Variants in LMF1 observed in about 807,000 individuals in gnomAD.
LMF1 encodes transmembrane protein 112.
LMF1 carries 68 observed loss-of-function variants against 60.6 expected under a neutral mutation model. That is an observed-to-expected ratio of 1.12 (90% CI 0.92 to 1.37). The LOEUF (loss-of-function observed/expected upper bound fraction) is 1.37. Among genes scored for constraint, LMF1 ranks in the 40% most tolerant of loss-of-function variants. The pLI is 0.00. For synonymous variants in LMF1, 418 were observed against 324.7 expected (o/e 1.29, Z -3.09); for missense variants, 948 against 767.2 (o/e 1.24, Z -2.78).
intron 4 of LMF1, among the ~76,000 whole-genome samples, chr16:894,076 C>G (rs1316596653): frequency 7.3e-6 from 1 of 137,102 alleles, no homozygotes; most frequent in Non-Finnish European, 1.6e-5. Flanking sequence ...GCCCACCCGT[C>G]CCCCTGTCCA....
intron 5 of LMF1, among the ~76,000 whole-genome samples, chr16:882,502 T>C (rs1359315125): frequency 2.0e-5 from 3 of 152,236 alleles, no homozygotes; most frequent in Admixed American, 6.5e-5. Flanking sequence ...TAGGTTCCAG[T>C]ACAAGTGAAG....
intron 1 of LMF1, among the ~76,000 whole-genome samples, chr16:960,288 C>T (rs183669038): frequency 1.5e-4 from 21 of 144,088 alleles, no homozygotes; most frequent in Admixed American, 1.2e-3. Context: ...ATAACCCAGA[C>T]AAAGACTCAC....
chr16:953,362 C>T (rs1292681020), intron 2 of LMF1, among the ~76,000 whole-genome samples: 1 of 89,208 alleles, frequency 1.1e-5, no homozygotes, highest in African/African-American at 3.8e-5. Context: ...CACACAGACA[C>T]GGACCCCAAA....
chr16:955,545 T>TCCACACACACACATCTAAGTAAACTAG (rs2072678008), intron 1 of LMF1, among the ~76,000 whole-genome samples: 1 of 114,934 alleles, frequency 8.7e-6, no homozygotes, highest in South Asian at 3.0e-4. Context: ...AGTGTGTGCA[T>TCCACACACACACATCTAAGTAAACTAG]ACACGCACAC....
chr16:971,234 A>T (rs746174347), upstream of LMF1, among the ~76,000 whole-genome samples: 1 of 152,082 alleles, frequency 6.6e-6, no homozygotes, highest in Non-Finnish European at 1.5e-5. Flanking sequence ...GGGGCCGGGT[A>T]CCTGGGAGGT....
chr16:860,092 T>C (rs2069411691), intron 10 of LMF1, among the ~76,000 whole-genome samples: 1 of 152,174 alleles, frequency 6.6e-6, no homozygotes, highest in Admixed American at 6.5e-5. Flanking sequence ...TCTAATAAGA[T>C]TATTTTAGTA....
intron 5 of LMF1, among the ~76,000 whole-genome samples, chr16:887,775 G>A (rs1407150196): frequency 1.3e-5 from 2 of 152,208 alleles, no homozygotes; most frequent in Non-Finnish European, 1.5e-5. Context: ...CCCGGAGTCA[G>A]GGTGCAGACA....
Position 870,675 on chromosome 16 carries a change from G to C in LMF1, c.1232+54C>G, listed in dbSNP as rs13329717. On this transcript the variant is annotated intron_variant, in intron 8 of 10. Coordinates refer to ENST00000262301, the MANE Select transcript of LMF1 (RefSeq NM_022773.4). ...ACCCCACCTGAATGTGGCTGGTCAG[G>C]GCTGAGTCTCCCCATATACCCAGCT... 0.042 allele frequency: 66,743 copies of C among 1,596,540 alleles called. 2,362 individuals are homozygous for C. The highest frequency in any genetic ancestry group is 0.18 in the African/African-American group (13,658 of 74,698).
chr16:882,713 A>AG (rs2070194513), intron 5 of LMF1, among the ~76,000 whole-genome samples: 1 of 151,916 alleles, frequency 6.6e-6, no homozygotes, highest in South Asian at 2.1e-4. Context: ...CAGGACCAGG[A>AG]GAAAGAGGAG....
At chr16:892,345 T>C (rs1304991292) in intron 5 of LMF1, among the ~76,000 whole-genome samples, 1 of 152,148 alleles carries the variant, frequency 6.6e-6, no homozygotes, top group Non-Finnish European at 1.5e-5. Context: ...AGGGTGGGGA[T>C]GGTGCTACCA....
At chr16:912,935 G>C (rs898270753) in intron 3 of LMF1, among the ~76,000 whole-genome samples, 17 of 152,344 alleles carry the variant, frequency 1.1e-4, no homozygotes, top group Admixed American at 1.0e-3. Flanking sequence ...GTCAGGGCCA[G>C]GGCTCTCCAG....
chr16:891,766 G>A lies in LMF1; in HGVS notation c.729+1241C>T, dbSNP rs375015334. On this transcript the variant is annotated intron_variant, in intron 5 of 10. Transcript: ENST00000262301. ...TTCCTGACCTGGGCTGAGGGCGCTG[G>A]ACCTTATTGAGGGCAGGGTGGCTGG... Among the ~76,000 whole-genome samples the A allele has an allele frequency of 3.7e-4, 56 of 152,338 alleles. 1 individual carries two copies. The South Asian group carries it at 0.011, about 30-fold the overall frequency.
Position 870,566 on chromosome 16 carries a change from C to T in LMF1, c.1232+163G>A, listed in dbSNP as rs368688749. On this transcript the variant is annotated intron_variant, in intron 8 of 10. Transcript: ENST00000262301. ...ACGAGGAGGCCTGCGTGTCCAGGCC[C>T]GGTAGTGGGGACAGCACGGCCTGTG... Among the ~76,000 whole-genome samples the T allele has an allele frequency of 7.9e-4, 121 of 152,290 alleles. No individual in the cohort carries two copies. The South Asian group carries it at 0.022, about 28-fold the overall frequency.
chr16:962,675 G>A lies in LMF1; in HGVS notation c.194-8009C>T, dbSNP rs1387572482. Reference sequence around the variant, plus strand: ...TGACAGGCCTGCTTGACACTGTCAAGGTCGGAATCCTGCACAGGAAAGTCT... The same window carrying A: ...TGACAGGCCTGCTTGACACTGTCAAAGTCGGAATCCTGCACAGGAAAGTCT... On this transcript the variant is annotated intron_variant, in intron 1 of 10. Transcript: ENST00000262301. This position sits in a 1 kb window ranked among gnomAD's most constrained non-coding sequence, Gnocchi z 4.5. Among the ~76,000 whole-genome samples, 4 of 152,210 alleles carry A rather than the reference G, an allele frequency of 2.6e-5. No individual in the cohort carries two copies. The highest frequency in any genetic ancestry group is 9.6e-5 in the African/African-American group (4 of 41,460).
chr16:955,945 C>T (rs1384533727), intron 1 of LMF1, among the ~76,000 whole-genome samples: 1 of 150,900 alleles, frequency 6.6e-6, no homozygotes, highest in South Asian at 2.1e-4. Context: ...CGGCGCCCAC[C>T]CCACGACGGC....
chr16:859,936 G>C (rs1463851043), intron 10 of LMF1, among the ~76,000 whole-genome samples: 22 of 138,368 alleles, frequency 1.6e-4, no homozygotes, highest in African/African-American at 6.1e-4. Flanking sequence ...GGTGTGAGTG[G>C]TGTCACGGGA....
intron 2 of LMF1, among the ~76,000 whole-genome samples, chr16:949,672 T>A: frequency 3.9e-5 from 3 of 77,470 alleles, no homozygotes; most frequent in Non-Finnish European, 4.4e-5. Flanking sequence ...AACGACAGAG[T>A]CAGCCAATGA....
rs554432967 is a variant in LMF1 at position 874,754 on chromosome 16, C to T, written c.898-3413G>A. ...GAGGCGGCGCTCAGATGGGAACACA[C>T]GGAACCAGGACAGGCTCCAGGCAGG... On this transcript the variant is annotated intron_variant, in intron 6 of 10. Transcript: ENST00000262301. This position sits in a 1 kb window ranked among gnomAD's most constrained non-coding sequence, Gnocchi z 4.1. 2.0e-5 allele frequency among the ~76,000 whole-genome samples: 3 copies of T among 151,930 alleles called. 1 individual carries two copies. Among genetic ancestry groups the T allele is most frequent in the South Asian group, 2.1e-4 (1 of 4,804 alleles).
intron 6 of LMF1, among the ~76,000 whole-genome samples, 180 bp downstream of exon 6, chr16:879,390 A>AGCCCGGGACAGGGCTGCAGTGGG (rs1251816297): frequency 1.2e-4 from 19 of 152,278 alleles, no homozygotes; most frequent in African/African-American, 4.1e-4. Context: ...CTCAGCCTGC[A>AGCCCGGGACAGGGCTGCAGTGGG]GCCCGGGACA....
Sources: gnomAD v4.1 joint callset for allele counts (sites outside exome capture counted in the v4.1 genomes callset) on GRCh38, gnomAD v4.1.1 for gene constraint, Gnocchi (gnomAD v3.1) non-coding constraint, MANE v1.5 for transcripts, NCBI Gene and HGNC (gene_info 2026-07-23, HGNC 2026-07-21) for gene names.